Variants in VTA1 observed in about 807,000 individuals in gnomAD.
The protein encoded by VTA1 is vesicle trafficking 1, also known as vacuolar protein sorting-associated protein VTA1 homolog.
In VTA1, 24 loss-of-function variants were observed where a neutral mutation model predicts 36.9. That is an observed-to-expected ratio of 0.65 (90% CI 0.47 to 0.91). The LOEUF (loss-of-function observed/expected upper bound fraction) is 0.91. Ranked by LOEUF, VTA1 falls within the 40% of genes least tolerant of loss-of-function variation. The probability of loss-of-function intolerance (pLI) is 0.00; values close to 1 mark genes in which losing one functional copy is unlikely to be tolerated. For synonymous variants in VTA1, 142 were observed against 130.2 expected, an observed-to-expected ratio of 1.09 and a Z score of -0.62; for missense variants, 393 against 377.2, an observed-to-expected ratio of 1.04 and a Z score of -0.35.
At position 142,189,508 on chromosome 6, in the gene VTA1, G is replaced by T. The variant is rs897515101; in HGVS notation, c.494G>T (p.Gly165Val). 1.2e-6 allele frequency: 2 copies of T among 1,613,010 alleles called. No homozygotes were observed. Among genetic ancestry groups the T allele is most frequent in the Non-Finnish European group, 1.7e-6 (2 of 1,179,490 alleles). Residue 165 changes from glycine (G) to valine (V), a missense_variant, in exon 5 of 8, where the codon GGC (glycine) becomes GTC (valine). Coordinates refer to ENST00000367630, the MANE Select transcript of VTA1 (RefSeq NM_016485.5). Reference protein sequence around the residue: ...CLKNGETPQAGPVGIEEDNDI... With the variant: ...CLKNGETPQAVPVGIEEDNDI... The stretch of plus-strand genomic sequence containing the variant: ...AAGAATGGGGAGACTCCTCAAGCAG[G>T]CCCTGTTGGAATTGAAGAAGATAAT...
At position 142,211,309 on chromosome 6, in the gene VTA1, G is replaced by A. The variant is rs191782666; in HGVS notation, c.779-7189G>A. Among the ~76,000 whole-genome samples the A allele has an allele frequency of 2.8e-4, 43 of 152,216 alleles. 1 individual carries two copies. The East Asian group carries it at 7.7e-3, about 27-fold the overall frequency. ...CCTTCATAAAAAATAAATGTAAAAA[G>A]TAAAATACAAAACTATAAAACATGT... is the stretch of plus-strand genomic sequence containing the variant. On this transcript the variant is annotated intron_variant, in intron 7 of 7. Coordinates refer to ENST00000367630, the MANE Select transcript of VTA1 (RefSeq NM_016485.5).
Position 142,221,619 on chromosome 6 carries a change from G to A in VTA1, c.*2976G>A, listed in dbSNP as rs1356313680. On this transcript the variant is annotated 3_prime_UTR_variant, in exon 8 of 8. Coordinates refer to ENST00000367630, the MANE Select transcript of VTA1 (RefSeq NM_016485.5). ...ATGTTGAGAATAGACCGTAAGGTGG[G>A]TGGTAAGTAAGGGAGGAAGCTGGGA... The A allele has an allele frequency of 6.6e-6, 1 of 152,028 alleles. No homozygotes were observed. The highest frequency in any genetic ancestry group is 2.4e-5 in the African/African-American group (1 of 41,386). The allele number at this position is 152,028 out of a possible 1,614,324, so 9.4% of individuals were successfully genotyped here.
At chr6:142,214,971 C>A (rs533050786) in intron 7 of VTA1, among the ~76,000 whole-genome samples, 1 of 152,196 alleles carries the variant, frequency 6.6e-6, no homozygotes, top group African/African-American at 2.4e-5. Context: ...ATTTAATCAC[C>A]TTTTAATGCA....
rs539912068 is a variant in VTA1, at chr6:142,190,318, G to GT, written c.520+792dup. On this transcript the variant is annotated intron_variant, in intron 5 of 7. Transcript: ENST00000367630. ...ACCAAAACTCAAGTAAGCATTTTTA[G>GT]TTTTTTTTGTGTATCTTTACAGAGA... Among the ~76,000 whole-genome samples the GT allele has an allele frequency of 1.2e-3, 187 of 151,840 alleles. 2 individuals are homozygous for GT. Among genetic ancestry groups the GT allele is most frequent in the Non-Finnish European group, 2.2e-3 (152 of 67,872 alleles).
intron 1 of VTA1, among the ~76,000 whole-genome samples, chr6:142,165,659 A>G (rs956341877): frequency 2.6e-5 from 4 of 152,226 alleles, no homozygotes; most frequent in Non-Finnish European, 5.9e-5. Context: ...AACTGTTCAC[A>G]GTTCTTATCA....
intron 4 of VTA1, among the ~76,000 whole-genome samples, chr6:142,175,327 T>C (rs1385919738): frequency 6.6e-6 from 1 of 151,994 alleles, no homozygotes; most frequent in Non-Finnish European, 1.5e-5. Context: ...CTCCGTACTC[T>C]GCTTGCTGCC....
At chr6:142,190,983 G>T (rs1485940252) in intron 5 of VTA1, among the ~76,000 whole-genome samples, 1 of 152,040 alleles carries the variant, frequency 6.6e-6, no homozygotes, top group Non-Finnish European at 1.5e-5. Flanking sequence ...TTGAAAGATT[G>T]CCTATTATTG....
At chr6:142,189,940 G>T (rs1476478443) in intron 5 of VTA1, among the ~76,000 whole-genome samples, 2 of 152,028 alleles carry the variant, frequency 1.3e-5, no homozygotes, top group Admixed American at 6.5e-5. Flanking sequence ...TGTACTTTTA[G>T]TAGAGACGGG....
chr6:142,187,063 G>T (rs1249322506), intron 4 of VTA1, among the ~76,000 whole-genome samples: 1 of 152,150 alleles, frequency 6.6e-6, no homozygotes, highest in African/African-American at 2.4e-5. Flanking sequence ...TTTTAAAAGA[G>T]AAGTTAGAAA....
rs1291579284 is a variant in VTA1 at position 142,166,045 on chromosome 6, A to C, written c.113-183A>C. Reference sequence around the variant, plus strand: ...TTATTTGATAAAAAAATTTATCATGAATGTCTTGCATTCTTTGGATAATAT... The same window carrying C: ...TTATTTGATAAAAAAATTTATCATGCATGTCTTGCATTCTTTGGATAATAT... On this transcript the variant is annotated intron_variant, in intron 1 of 7. Transcript: ENST00000367630. Among the ~76,000 whole-genome samples, 4 of 151,576 alleles carry C rather than the reference A, an allele frequency of 2.6e-5. No homozygotes were observed. The East Asian group carries it at 7.7e-4, about 29-fold the overall frequency.
At chr6:142,167,355 A>G (rs574465301) in intron 2 of VTA1, among the ~76,000 whole-genome samples, 1 of 152,302 alleles carries the variant, frequency 6.6e-6, no homozygotes, top group South Asian at 2.1e-4. Flanking sequence ...GGGTACACTC[A>G]TTAATTCATC....
chr6:142,189,664 T>TA, intron 5 of VTA1, 130 bp downstream of exon 5: 1 of 640,748 alleles, frequency 1.6e-6, no homozygotes, highest in South Asian at 2.4e-5. Context: ...AAGTTAAGTA[T>TA]AAAATCATAA....
chr6:142,155,747 C>G (rs1000549638), intron 1 of VTA1, among the ~76,000 whole-genome samples: 1 of 152,208 alleles, frequency 6.6e-6, no homozygotes, highest in Non-Finnish European at 1.5e-5. Context: ...ACCACACTCA[C>G]TAGATTTTTA....
At chr6:142,164,575 G>T (rs774564071) in intron 1 of VTA1, among the ~76,000 whole-genome samples, 2 of 152,130 alleles carry the variant, frequency 1.3e-5, no homozygotes, top group Non-Finnish European at 2.9e-5. Flanking sequence ...ACTGTTTCGT[G>T]TGTATATTAA....
At chr6:142,178,920 A>G (rs1775174380) in intron 4 of VTA1, among the ~76,000 whole-genome samples, 1 of 152,164 alleles carries the variant, frequency 6.6e-6, no homozygotes, top group Non-Finnish European at 1.5e-5. Flanking sequence ...TGCTTAATGC[A>G]GATACTAAGT....
chr6:142,206,850 G>C (rs1475799506), intron 7 of VTA1, among the ~76,000 whole-genome samples: 1 of 152,056 alleles, frequency 6.6e-6, no homozygotes, highest in African/African-American at 2.4e-5. Context: ...AAAGATACTC[G>C]TTTCAATAAA....
chr6:142,154,164 A>G (rs1424729600), intron 1 of VTA1, among the ~76,000 whole-genome samples: 3 of 151,932 alleles, frequency 2.0e-5, no homozygotes, highest in Non-Finnish European at 2.9e-5. Context: ...CCTTTTCGCT[A>G]CCTCACCCCC....
At position 142,204,059 on chromosome 6, in the gene VTA1, T is replaced by A; in HGVS notation, c.772T>A (p.Ser258Thr). Residue 258 changes from serine (S) to threonine (T), a missense_variant, in exon 7 of 8, where the codon TCC becomes ACC. By Grantham distance (58) the Ser-to-Thr change is moderately conservative. Coordinates refer to ENST00000367630, the MANE Select transcript of VTA1 (RefSeq NM_016485.5). Reference sequence around the variant, plus strand: ...TGATCCCGCACTTTTCAATACAATTTCCCAGGGTAAGTCAGCTGACTATTT... The same window carrying A: ...TGATCCCGCACTTTTCAATACAATTACCCAGGGTAAGTCAGCTGACTATTT... The part of the protein sequence containing the change: ...AIDPALFNTI[S>T]QGDVRLTPED... 1.9e-6 allele frequency: 3 copies of A among 1,613,460 alleles called. No homozygotes were observed. The highest frequency in any genetic ancestry group is 2.5e-6 in the Non-Finnish European group (3 of 1,179,566).
rs774420454 is a variant in VTA1 at position 142,179,252 on chromosome 6, G to A, written c.411+8831G>A. 4.6e-5 allele frequency among the ~76,000 whole-genome samples: 7 copies of A among 151,890 alleles called. No homozygotes were observed. In the East Asian group the frequency reaches 9.7e-4, roughly 21 times the overall value. ...TTGTCTAGAATGTGAAAAACCAAGCGCTTTCATACATTGCTTGATGGAGAT... is the reference window on the plus strand; with the variant it reads ...TTGTCTAGAATGTGAAAAACCAAGCACTTTCATACATTGCTTGATGGAGAT... On this transcript the variant is annotated intron_variant, in intron 4 of 7. Coordinates refer to ENST00000367630, the MANE Select transcript of VTA1 (RefSeq NM_016485.5).
Sources: allele counts gnomAD v4.1 joint callset (sites outside exome capture counted in the v4.1 genomes callset), GRCh38; gene constraint gnomAD v4.1.1; transcripts MANE v1.5; gene names NCBI Gene and HGNC (gene_info 2026-07-23, HGNC 2026-07-21).